The following METTL24 variants were observed in gnomAD, a reference collection of about 807,000 sequenced individuals.
METTL24 encodes the protein methyltransferase like 24.
A neutral mutation model predicts 32.7 loss-of-function variants in METTL24; 29 were observed. That is an observed-to-expected ratio of 0.89 (90% CI 0.66 to 1.21). The LOEUF is 1.21. Among genes scored for constraint, METTL24 ranks in the 50% most tolerant of loss-of-function variants. The probability of loss-of-function intolerance (pLI) is 0.00; values close to 1 mark genes in which losing one functional copy is unlikely to be tolerated. For missense variants in METTL24, 439 were observed against 468.1 expected, an observed-to-expected ratio of 0.94 and a Z score of 0.57; for synonymous variants, 163 against 179.5, an observed-to-expected ratio of 0.91 and a Z score of 0.73.
At chr6:110,353,981 G>A (rs769180930) in intron 1 of METTL24, among the ~76,000 whole-genome samples, 3 of 152,100 alleles carry the variant, frequency 2.0e-5, no homozygotes, top group African/African-American at 7.2e-5. Context: ...AGAAAACAGA[G>A]AGAAAATAAA....
rs904965636 is a variant in METTL24 at position 110,296,128 on chromosome 6, G to T, written c.786+2794C>A. 3.3e-5 allele frequency among the ~76,000 whole-genome samples: 5 copies of T among 152,156 alleles called. No homozygotes were observed. In the East Asian group the frequency reaches 9.6e-4, roughly 29 times the overall value. ...GCTTACATAGAGAAACCCTCAGGCA[G>T]CTCTGTTATTCAGAGTTATCAGCAG... On this transcript the variant is annotated intron_variant, in intron 4 of 4. Coordinates refer to ENST00000338882, the MANE Select transcript of METTL24 (RefSeq NM_001123364.3).
chr6:110,277,258 C>T (rs1048601170), intron 4 of METTL24, among the ~76,000 whole-genome samples: 3 of 152,124 alleles, frequency 2.0e-5, no homozygotes, highest in Admixed American at 1.3e-4. Flanking sequence ...CCAGGGCAGC[C>T]TTTCCTCTTA....
Position 110,299,168 on chromosome 6 carries a change from G to A in METTL24, c.558-18C>T, listed in dbSNP as rs577694599. 7.4e-5 allele frequency: 119 copies of A among 1,604,786 alleles called. 2 individuals carry two copies. Among genetic ancestry groups the A allele is most frequent in the African/African-American group, 3.9e-4 (29 of 74,880 alleles). On this transcript the variant is annotated intron_variant, in intron 3 of 4. Transcript: ENST00000338882. ...TTCCTAGCCTATAAAGAAAGAGGAC[G>A]GAAATCAACAACAAAAAATGCAATG...
At chr6:110,263,353 C>G (rs1044505935) in intron 4 of METTL24, among the ~76,000 whole-genome samples, 8 of 152,028 alleles carry the variant, frequency 5.3e-5, no homozygotes, top group Non-Finnish European at 8.8e-5. Context: ...CAAATCATGA[C>G]TGAACTCCCA....
intron 3 of METTL24, among the ~76,000 whole-genome samples, chr6:110,314,837 G>C (rs1771788918): frequency 6.6e-6 from 1 of 152,068 alleles, no homozygotes; most frequent in Admixed American, 6.6e-5. Context: ...GTGGGTGCAT[G>C]CCTGTGGTCC....
At chr6:110,293,590 A>T (rs1562227903) in intron 4 of METTL24, among the ~76,000 whole-genome samples, 1 of 151,856 alleles carries the variant, frequency 6.6e-6, no homozygotes, top group Admixed American at 6.6e-5. Context: ...ATACTCCTAA[A>T]TTTTTTTCTT....
At chr6:110,306,156 G>C (rs1277751998) in intron 3 of METTL24, among the ~76,000 whole-genome samples, 1 of 151,824 alleles carries the variant, frequency 6.6e-6, no homozygotes, top group African/African-American at 2.4e-5. Flanking sequence ...GGGCCTGTTG[G>C]GGGGTGGGGG....
intron 4 of METTL24, among the ~76,000 whole-genome samples, chr6:110,278,813 G>C (rs9487335): frequency 0.078 from 11,934 of 152,194 alleles, 500 homozygotes; most frequent in South Asian, 0.16. Context: ...CTTGAGCCCA[G>C]GAGTTCATGA....
chr6:110,330,722 G>A (rs1772097486), intron 1 of METTL24, among the ~76,000 whole-genome samples: 2 of 152,288 alleles, frequency 1.3e-5, no homozygotes, highest in Non-Finnish European at 2.9e-5. Flanking sequence ...AAACAGAGCT[G>A]ACATGGAAAT....
At chr6:110,265,717 G>A (rs1170502692) in intron 4 of METTL24, among the ~76,000 whole-genome samples, 1 of 152,152 alleles carries the variant, frequency 6.6e-6, no homozygotes, top group Non-Finnish European at 1.5e-5. Context: ...GCCAGGGGAG[G>A]AGGTAGGGAG....
intron 1 of METTL24, among the ~76,000 whole-genome samples, chr6:110,327,569 A>G (rs1262305552): frequency 6.6e-6 from 1 of 152,224 alleles, no homozygotes; most frequent in Non-Finnish European, 1.5e-5. Flanking sequence ...AGCTGTTTAA[A>G]AAACATTTCA....
At chr6:110,247,292 A>T (rs935172751) in intron 4 of METTL24, among the ~76,000 whole-genome samples, 1 of 152,150 alleles carries the variant, frequency 6.6e-6, no homozygotes, top group African/African-American at 2.4e-5. Context: ...TCAGTGAGGA[A>T]CCCATTCCCA....
At chr6:110,295,960 C>G (rs1320214167) in intron 4 of METTL24, among the ~76,000 whole-genome samples, 1 of 152,010 alleles carries the variant, frequency 6.6e-6, no homozygotes. Flanking sequence ...GTTCTCAGAC[C>G]TACTTCTCAA....
intron 1 of METTL24, 80 bp downstream of exon 1, chr6:110,357,875 G>T: frequency 1.2e-6 from 1 of 800,622 alleles, no homozygotes; most frequent in Non-Finnish European, 1.6e-6. Flanking sequence ...CGGCCTGCGG[G>T]ACCTGAGCGC....
At chr6:110,310,819 A>G (rs1463572260) in intron 3 of METTL24, among the ~76,000 whole-genome samples, 1 of 152,204 alleles carries the variant, frequency 6.6e-6, no homozygotes, top group Non-Finnish European at 1.5e-5. Context: ...GATGAGACAG[A>G]TTAGAAAGTG....
chr6:110,307,839 C>T (rs567343311), intron 3 of METTL24, among the ~76,000 whole-genome samples: 3 of 152,300 alleles, frequency 2.0e-5, no homozygotes, highest in Middle Eastern at 6.8e-3. Context: ...TGAATTAAGA[C>T]AGCAACCTCT....
chr6:110,331,872 T>C (rs902895367), intron 1 of METTL24, among the ~76,000 whole-genome samples: 2 of 152,072 alleles, frequency 1.3e-5, no homozygotes, highest in African/African-American at 2.4e-5. Context: ...ACAGACCCAG[T>C]AGTGGGCCAG....
In METTL24 at chr6:110,254,215, G is replaced by A. The variant is rs1778338856; in HGVS notation, c.787-7955C>T. 3 of 306,980 alleles carry A rather than the reference G, an allele frequency of 9.8e-6. No individual in the cohort carries two copies. The Admixed American group carries it at 1.5e-4, about 15-fold the overall frequency. 19.0% of individuals were successfully genotyped at this position (306,980 alleles called of 1,614,324 possible). A position where few individuals can be genotyped will look rare whatever the true frequency, so the allele number is the denominator to read the frequency against. On this transcript the variant is annotated intron_variant, in intron 4 of 4. Coordinates refer to ENST00000338882, the MANE Select transcript of METTL24 (RefSeq NM_001123364.3). ...TGTTATCAACAAACTGGGCAACTAAGTTTGTGTGTGTGTTCTGTCATTTTG... is the reference window on the plus strand; with the variant it reads ...TGTTATCAACAAACTGGGCAACTAAATTTGTGTGTGTGTTCTGTCATTTTG...
At chr6:110,330,624 C>G (rs1380717021) in intron 1 of METTL24, among the ~76,000 whole-genome samples, 1 of 152,136 alleles carries the variant, frequency 6.6e-6, no homozygotes, top group Non-Finnish European at 1.5e-5. Flanking sequence ...AGCTAACAGA[C>G]AGACAGACCT....
Sources: gnomAD v4.1 joint callset for allele counts (sites outside exome capture counted in the v4.1 genomes callset) on GRCh38, gnomAD v4.1.1 for gene constraint, MANE v1.5 for transcripts, NCBI Gene and HGNC (gene_info 2026-07-23, HGNC 2026-07-21) for gene names.